Variants in HPSE2 observed in about 807,000 individuals in gnomAD.
HPSE2 encodes inactive heparanase-2.
A neutral mutation model predicts 60.5 loss-of-function variants in HPSE2; 38 were observed. That is an observed-to-expected ratio of 0.63 (90% CI 0.48 to 0.82). The LOEUF (loss-of-function observed/expected upper bound fraction) is 0.82. Among genes scored for constraint, HPSE2 ranks in the 40% least tolerant of loss-of-function variants. The pLI is 0.00. For synonymous variants in HPSE2, 295 were observed against 293.2 expected (o/e 1.01, Z -0.06); for missense variants, 713 against 740.4 (o/e 0.96, Z 0.43).
intron 3 of HPSE2, among the ~76,000 whole-genome samples, chr10:99,116,734 C>CTCCCT (rs1844706110): frequency 1.3e-5 from 2 of 151,970 alleles, no homozygotes; most frequent in Non-Finnish European, 2.9e-5. Context: ...AATTAGAACA[C>CTCCCT]AAAAAGAAAA....
chr10:98,492,823 C>A (rs1270986), intron 9 of HPSE2, among the ~76,000 whole-genome samples: 13,135 of 152,040 alleles, frequency 0.086, 1,797 homozygotes, highest in African/African-American at 0.29. Flanking sequence ...GTGGGGAGAT[C>A]CACATAACAT....
intron 3 of HPSE2, among the ~76,000 whole-genome samples, chr10:98,867,278 TCAAA>T (rs911084669): frequency 3.4e-5 from 5 of 147,088 alleles, no homozygotes; most frequent in East Asian, 2.1e-4. Flanking sequence ...TATAAGGAAC[TCAAA>T]CAACTCTATA....
chr10:98,487,766 G>T (rs1436247730), intron 10 of HPSE2, among the ~76,000 whole-genome samples: 1 of 152,152 alleles, frequency 6.6e-6, no homozygotes, highest in African/African-American at 2.4e-5. Flanking sequence ...GCCCACTCTG[G>T]GATAATTCTG....
At chr10:99,226,117 C>A (rs1418879970) in intron 2 of HPSE2, among the ~76,000 whole-genome samples, 1 of 151,872 alleles carries the variant, frequency 6.6e-6, no homozygotes, top group African/African-American at 2.4e-5. Context: ...TCTATGTAGC[C>A]AGGGTGGTCT....
At chr10:98,788,907 G>GCGT (rs1950595073) in intron 3 of HPSE2, among the ~76,000 whole-genome samples, 1 of 152,088 alleles carries the variant, frequency 6.6e-6, no homozygotes, top group African/African-American at 2.4e-5. Flanking sequence ...CCCGTCTTCT[G>GCGT]CGTCGCTCAC....
At chr10:99,019,072 T>C (rs544182215) in intron 3 of HPSE2, among the ~76,000 whole-genome samples, 1 of 152,150 alleles carries the variant, frequency 6.6e-6, no homozygotes, top group African/African-American at 2.4e-5. Flanking sequence ...AAAGAATTCA[T>C]TGGCAGCCCT....
intron 9 of HPSE2, among the ~76,000 whole-genome samples, chr10:98,600,462 A>G (rs1339716169): frequency 6.6e-6 from 1 of 152,156 alleles, no homozygotes; most frequent in Non-Finnish European, 1.5e-5. Context: ...ATACACTTAC[A>G]TACTCAGTTC....
At chr10:99,089,815 G>A (rs989744074) in intron 3 of HPSE2, among the ~76,000 whole-genome samples, 37 of 152,262 alleles carry the variant, frequency 2.4e-4, no homozygotes, top group African/African-American at 8.7e-4. Flanking sequence ...AGCATGGGAT[G>A]TGTTTCCATT....
At chr10:99,244,382 T>TTTTTTTTTA in the HPSE2 span, among the ~76,000 whole-genome samples, 6 of 134,182 alleles carry the variant, frequency 4.5e-5, no homozygotes, top group African/African-American at 1.6e-4. Flanking sequence ...TTTTATTTCT[T>TTTTTTTTTA]TTATTATTAT....
At chr10:98,496,602 A>C (rs1369178202) in intron 9 of HPSE2, among the ~76,000 whole-genome samples, 1 of 152,214 alleles carries the variant, frequency 6.6e-6, no homozygotes, top group African/African-American at 2.4e-5. Context: ...GCTGAAATTG[A>C]CCAAAATTAA....
chr10:99,080,878 G>A (rs1277985861), intron 3 of HPSE2, among the ~76,000 whole-genome samples: 1 of 152,162 alleles, frequency 6.6e-6, no homozygotes, highest in African/African-American at 2.4e-5. Context: ...TGTTGGTTCA[G>A]TTTATTTGGA....
At chr10:98,745,193 C>A (rs1949600078) in intron 3 of HPSE2, among the ~76,000 whole-genome samples, 1 of 152,146 alleles carries the variant, frequency 6.6e-6, no homozygotes, top group Non-Finnish European at 1.5e-5. Context: ...CAGAGTGAGG[C>A]TCCGTCTCAA....
intron 9 of HPSE2, among the ~76,000 whole-genome samples, chr10:98,563,811 G>C (rs1236490699): frequency 6.6e-6 from 1 of 152,076 alleles, no homozygotes; most frequent in Non-Finnish European, 1.5e-5. Flanking sequence ...TAGTCTGCTT[G>C]TTTGGCTTAG....
intron 3 of HPSE2, among the ~76,000 whole-genome samples, chr10:98,748,099 G>A (rs1307550202): frequency 5.3e-5 from 8 of 152,098 alleles, no homozygotes; most frequent in Non-Finnish European, 1.2e-4. Context: ...AGGAGTTCGA[G>A]ACCAGCCTAA....
At chr10:99,299,430 T>C in the HPSE2 span, among the ~76,000 whole-genome samples, 1 of 152,230 alleles carries the variant, frequency 6.6e-6, no homozygotes, top group Non-Finnish European at 1.5e-5. Context: ...GGTTGGTTGG[T>C]TTTCAGAGGA....
chr10:98,971,236 AC>A (rs1955944181), intron 3 of HPSE2, among the ~76,000 whole-genome samples: 1 of 152,222 alleles, frequency 6.6e-6, no homozygotes, highest in African/African-American at 2.4e-5. Flanking sequence ...ATTCTTCCAA[AC>A]AACTTAGAAT....
At chr10:98,474,578 A>C (rs1591231714) in intron 11 of HPSE2, among the ~76,000 whole-genome samples, 2 of 152,290 alleles carry the variant, frequency 1.3e-5, no homozygotes, top group East Asian at 3.9e-4. Context: ...ATAGGTTTTA[A>C]TGAGGGTGAA....
chr10:99,064,278 C>G (rs1539396), intron 3 of HPSE2, among the ~76,000 whole-genome samples: 99,952 of 151,956 alleles, frequency 0.66, 37,042 homozygotes, highest in Non-Finnish European at 0.81. Context: ...AAAGAAGTAA[C>G]ATTTGTGTGA....
intron 5 of HPSE2, among the ~76,000 whole-genome samples, chr10:98,694,786 G>A (rs896110400): frequency 6.6e-6 from 1 of 152,184 alleles, no homozygotes; most frequent in African/African-American, 2.4e-5. Flanking sequence ...GAGGCCATGT[G>A]CTATCATGGT....
Sources: allele counts gnomAD v4.1 joint callset (sites outside exome capture counted in the v4.1 genomes callset), GRCh38; gene constraint gnomAD v4.1.1; transcripts MANE v1.5; gene names NCBI Gene and HGNC (gene_info 2026-07-23, HGNC 2026-07-21).